SLC8A2: variants seen among roughly 807,000 people sequenced by gnomAD.
SLC8A2 encodes solute carrier family 8 member A2.
Under a neutral mutation model 70.2 loss-of-function variants are expected in SLC8A2, and 14 were observed. That is an observed-to-expected ratio of 0.20 (90% CI 0.13 to 0.31). The LOEUF is 0.31. SLC8A2 is among the 10% of genes least tolerant of loss of function. The pLI is 1.00. For missense variants in SLC8A2, 779 were observed against 1,320.1 expected (o/e 0.59, Z 6.35); for synonymous variants, 575 against 594.3 (o/e 0.97, Z 0.47).
chr19:47,442,389 T>C (rs1436494488), intron 4 of SLC8A2, among the ~76,000 whole-genome samples: 1 of 152,186 alleles, frequency 6.6e-6, no homozygotes, highest in Non-Finnish European at 1.5e-5. Flanking sequence ...TCTCACAGAA[T>C]GAAAGTCAAA....
chr19:47,458,348 C>G (rs1967343102), intron 2 of SLC8A2, among the ~76,000 whole-genome samples: 1 of 148,526 alleles, frequency 6.7e-6, no homozygotes, highest in South Asian at 2.2e-4. Context: ...CTCCCTGTCT[C>G]TCTTTCCTCC....
In SLC8A2 at chr19:47,468,794, C is replaced by T. The variant is rs932115641; in HGVS notation, c.-16-2375G>A. ...GCACCAACTCTGGCTCCCAGGTCGCCTCTCCAAGAGTGGCCCTGACTCTGA... is the reference window on the plus strand; with the variant it reads ...GCACCAACTCTGGCTCCCAGGTCGCTTCTCCAAGAGTGGCCCTGACTCTGA... On this transcript the variant is annotated intron_variant, in intron 1 of 9. Transcript: ENST00000236877. The surrounding 1 kb of genome is among the most constrained non-coding windows in gnomAD (Gnocchi z 5.1). 6.6e-6 allele frequency among the ~76,000 whole-genome samples: 1 copy of T among 152,198 alleles called. No individual in the cohort carries two copies. The highest frequency in any genetic ancestry group is 2.4e-5 in the African/African-American group (1 of 41,450).
In SLC8A2 at chr19:47,447,470, TCA is replaced by T. The variant is rs747105474; in HGVS notation, c.1763+337_1763+338del. 6.3e-4 allele frequency: 226 copies of T among 360,880 alleles called. 6 individuals are homozygous for T. In the South Asian group the frequency reaches 6.5e-3, roughly 10 times the overall value. 22.4% of individuals were successfully genotyped at this position (360,880 alleles called of 1,614,324 possible). On this transcript the variant is annotated intron_variant, in intron 4 of 9. Coordinates refer to ENST00000236877, the MANE Select transcript of SLC8A2 (RefSeq NM_015063.3). This position sits in a 1 kb window ranked among gnomAD's most constrained non-coding sequence, Gnocchi z 5.1. Reference sequence around the variant, plus strand: ...CCCTTCTAGGCCTCGCCTCTTCATTTCACAGTCACAACCCCACCAGGCCCCGC... The same window carrying T: ...CCCTTCTAGGCCTCGCCTCTTCATTTCAGTCACAACCCCACCAGGCCCCGC...
chr19:47,445,266 G>T (rs772326387), intron 4 of SLC8A2, among the ~76,000 whole-genome samples: 21 of 152,098 alleles, frequency 1.4e-4, no homozygotes, highest in Non-Finnish European at 2.4e-4. Context: ...ATGCCACCAG[G>T]CCTGGCTAAT....
intron 4 of SLC8A2, among the ~76,000 whole-genome samples, chr19:47,446,686 C>T (rs1347401511): frequency 6.6e-6 from 1 of 152,186 alleles, no homozygotes; most frequent in Non-Finnish European, 1.5e-5. Context: ...GCTGGCACTA[C>T]AGACATGCGC....
chr19:47,448,028 G>A lies in SLC8A2; in HGVS notation c.1544C>T (p.Thr515Ile). The change falls in exon 4 of 10, where the codon ACC (threonine) becomes ATC (isoleucine). Residue 515 changes from threonine to isoleucine, a missense_variant. Physicochemically the swap from Thr to Ile is moderately conservative, Grantham distance 89 (BLOSUM62 -1). This residue lies in a region of SLC8A2 where 247 missense variants were observed against 362.8 expected (regional missense o/e 0.68). Transcript: ENST00000236877. This position sits in a 1 kb window ranked among gnomAD's most constrained non-coding sequence, Gnocchi z 4.8. ...GCCTGCGTGGTCGTCGTCCAGGATGGTGACGGTGGCCAGCAGCGGCGCCAC... is the reference window on the plus strand; with the variant it reads ...GCCTGCGTGGTCGTCGTCCAGGATGATGACGGTGGCCAGCAGCGGCGCCAC... ...RLVAPLLATV[T>I]ILDDDHAGIF... The A allele has an allele frequency of 1.3e-6, 2 of 1,566,700 alleles. No individual in the cohort carries two copies. The highest frequency in any genetic ancestry group is 1.7e-6 in the Non-Finnish European group (2 of 1,155,392).
chr19:47,434,300 G>T (rs532188762), intron 8 of SLC8A2, among the ~76,000 whole-genome samples: 1 of 152,270 alleles, frequency 6.6e-6, no homozygotes, highest in Admixed American at 6.5e-5. Context: ...GCCTAGGCTT[G>T]GCATTCTGCG....
In SLC8A2 at chr19:47,460,001, C is replaced by G. The variant is rs772480008; in HGVS notation, c.676-2407G>C. Reference sequence around the variant, plus strand: ...AGCCTGTGTGTCTTCTGGCCTCTCTCTCCCTCCATCTTTTTTCTGCCTGCT... The same window carrying G: ...AGCCTGTGTGTCTTCTGGCCTCTCTGTCCCTCCATCTTTTTTCTGCCTGCT... On this transcript the variant is annotated intron_variant, in intron 2 of 9. Transcript: ENST00000236877. Among the ~76,000 whole-genome samples, 28 of 152,240 alleles carry G rather than the reference C, an allele frequency of 1.8e-4. 1 individual carries two copies. Among genetic ancestry groups the G allele is most frequent in the Middle Eastern group, 3.4e-3 (1 of 294 alleles).
intron 3 of SLC8A2, among the ~76,000 whole-genome samples, chr19:47,450,984 A>C (rs1967227387): frequency 6.6e-6 from 1 of 151,656 alleles, no homozygotes; most frequent in Non-Finnish European, 1.5e-5. Context: ...GATCAGTAAA[A>C]TATGGAGATT....
At chr19:47,445,418 C>T (rs1278220779) in intron 4 of SLC8A2, among the ~76,000 whole-genome samples, 3 of 152,112 alleles carry the variant, frequency 2.0e-5, no homozygotes, top group Admixed American at 1.3e-4. Flanking sequence ...CTCTAAGTTC[C>T]TGTCTTTCTG....
At chr19:47,455,179 A>G (rs1262432953) in intron 3 of SLC8A2, among the ~76,000 whole-genome samples, 2 of 152,008 alleles carry the variant, frequency 1.3e-5, no homozygotes, top group African/African-American at 4.8e-5. Flanking sequence ...AAGATGAGCG[A>G]ACTGAGTCCC....
intron 3 of SLC8A2, among the ~76,000 whole-genome samples, chr19:47,452,281 C>G (rs1967243491): frequency 6.6e-6 from 1 of 151,898 alleles, no homozygotes; most frequent in Non-Finnish European, 1.5e-5. Context: ...GTGGCACAAT[C>G]TTGGCTCACT....
chr19:47,465,635 G>T lies in SLC8A2; in HGVS notation c.675+94C>A. ...CTCTCAGATGTGAGTGTGCATTTCT[G>T]CAAATACAGCAATCAACACTCCAAG... On this transcript the variant is annotated intron_variant, in intron 2 of 9. Transcript: ENST00000236877. This position sits in a 1 kb window ranked among gnomAD's most constrained non-coding sequence, Gnocchi z 5.5. The T allele has an allele frequency of 1.8e-6, 2 of 1,092,436 alleles. No individual in the cohort carries two copies. The highest frequency in any genetic ancestry group is 1.6e-5 in the South Asian group (1 of 62,270). 67.7% of individuals were successfully genotyped at this position (1,092,436 alleles called of 1,614,324 possible).
rs1311411808 is a variant in SLC8A2, at chr19:47,465,464, C to A, written c.675+265G>T. Among the ~76,000 whole-genome samples, 2 of 152,172 alleles carry A rather than the reference C, an allele frequency of 1.3e-5. No homozygotes were observed. Among genetic ancestry groups the A allele is most frequent in the East Asian group, 1.9e-4 (1 of 5,192 alleles). On this transcript the variant is annotated intron_variant, in intron 2 of 9. Coordinates refer to ENST00000236877, the MANE Select transcript of SLC8A2 (RefSeq NM_015063.3). The surrounding 1 kb of genome is among the most constrained non-coding windows in gnomAD (Gnocchi z 5.5). ...GTTCTTAAGTGCAAAACAGTGCGTC[C>A]CTCTGGACAAATAAATGTTTGCTGC...
intron 4 of SLC8A2, among the ~76,000 whole-genome samples, chr19:47,446,503 C>T (rs1967164525): frequency 6.6e-6 from 1 of 152,152 alleles, no homozygotes; most frequent in Non-Finnish European, 1.5e-5. Context: ...TCACAGCTCA[C>T]TACAGCACCT....
At chr19:47,431,955 T>C (rs1966968446) in intron 9 of SLC8A2, 1 of 453,548 alleles carries the variant, frequency 2.2e-6, no homozygotes. Flanking sequence ...TTATGGGACC[T>C]TCTACCTGGG....
chr19:47,457,767 C>T (rs952773193), intron 2 of SLC8A2, among the ~76,000 whole-genome samples, 173 bp from the exon 3 acceptor site: 7 of 145,228 alleles, frequency 4.8e-5, no homozygotes, highest in Admixed American at 1.4e-4. Flanking sequence ...TCTTTCTTTC[C>T]TTTCTTTCTT....
intron 3 of SLC8A2, among the ~76,000 whole-genome samples, chr19:47,454,231 CACTT>C (rs1242974012): frequency 6.6e-6 from 1 of 152,134 alleles, no homozygotes; most frequent in Non-Finnish European, 1.5e-5. Context: ...CACCTGTACT[CACTT>C]CCTTCTGCAA....
intron 4 of SLC8A2, among the ~76,000 whole-genome samples, chr19:47,445,219 C>A (rs1967146204): frequency 1.3e-5 from 2 of 152,186 alleles, no homozygotes; most frequent in Non-Finnish European, 2.9e-5. Flanking sequence ...AGCGATTCTC[C>A]TGTCTCAGCC....
Sources: allele counts gnomAD v4.1 joint callset (sites outside exome capture counted in the v4.1 genomes callset), GRCh38; gene constraint gnomAD v4.1.1; regional missense constraint gnomAD v4.1.1; non-coding constraint Gnocchi (gnomAD v3.1); transcripts MANE v1.5; gene names NCBI Gene and HGNC (gene_info 2026-07-23, HGNC 2026-07-21).